TBL1X: variants seen among roughly 807,000 people sequenced by gnomAD.
TBL1X encodes the protein F-box-like/WD repeat-containing protein TBL1X.
In TBL1X, 10 loss-of-function variants were observed where a neutral mutation model predicts 50.7. The observed-to-expected ratio is 0.20, with a 90% CI of 0.12 to 0.33. TBL1X has a LOEUF of 0.33. Ranked by LOEUF, TBL1X falls within the 10% of genes least tolerant of loss-of-function variation. The probability of loss-of-function intolerance (pLI) is 1.00; values close to 1 mark genes in which losing one functional copy is unlikely to be tolerated. For synonymous variants in TBL1X, 190 were observed against 214.7 expected (o/e 0.88, Z 1.01); for missense variants, 340 against 504.4 (o/e 0.67, Z 3.12).
chrX:9,702,768 A>G (rs904557769), intron 12 of TBL1X, among the ~76,000 whole-genome samples: 1 of 112,010 alleles, frequency 8.9e-6, no homozygotes, highest in Non-Finnish European at 1.9e-5. Flanking sequence ...GGAGAACATA[A>G]CTTGGCAAAT....
chrX:9,693,244 G>A lies in TBL1X; in HGVS notation c.955+32G>A, dbSNP rs766191940. 48 of 1,208,606 alleles carry A rather than the reference G, an allele frequency of 4.0e-5. No homozygotes were observed. In the South Asian group the frequency reaches 7.9e-4, roughly 20 times the overall value. ...TCTGTGTCCCTCGTGCTGGGGTCGG[G>A]TAAGAGGAGCTGCCGAACTTAACCC... On this transcript the variant is annotated intron_variant, in intron 10 of 17. Coordinates refer to ENST00000645353, the MANE Select transcript of TBL1X (RefSeq NM_005647.4).
chrX:9,692,874 G>A lies in TBL1X; in HGVS notation c.892-275G>A, dbSNP rs931926139. Among the ~76,000 whole-genome samples the A allele has an allele frequency of 2.2e-4, 25 of 112,623 alleles. No homozygotes were observed. In the Admixed American group the frequency reaches 2.3e-3, roughly 10 times the overall value. ...CAAGGTAGTTCTTCTGGAGAGATAC[G>A]TCGTGCAGCCCAGGAAAGGTGATTC... On this transcript the variant is annotated intron_variant, in intron 9 of 17. Coordinates refer to ENST00000645353, the MANE Select transcript of TBL1X (RefSeq NM_005647.4).
chrX:9,686,692 C>T (rs757987347), intron 6 of TBL1X, among the ~76,000 whole-genome samples: 1 of 112,559 alleles, frequency 8.9e-6, no homozygotes, highest in African/African-American at 3.2e-5. Context: ...AGCGAGACCC[C>T]GTCTCTAAGG....
intron 2 of TBL1X, among the ~76,000 whole-genome samples, chrX:9,619,641 G>T (rs1437063954): frequency 8.9e-6 from 1 of 112,488 alleles, no homozygotes; most frequent in African/African-American, 3.2e-5. Flanking sequence ...TACTTCATCC[G>T]TCTGTGTAAT....
intron 1 of TBL1X, among the ~76,000 whole-genome samples, chrX:9,470,088 C>T (rs910242994): frequency 1.4e-4 from 16 of 112,297 alleles, no homozygotes; most frequent in African/African-American, 4.9e-4. Context: ...TAAAGCTTTG[C>T]TCCTTTTTAA....
chrX:9,681,285 T>C (rs1302306648), intron 5 of TBL1X, among the ~76,000 whole-genome samples: 1 of 111,676 alleles, frequency 9.0e-6, no homozygotes, highest in Non-Finnish European at 1.9e-5. Context: ...AATTCAAGAA[T>C]TTTGGTTCCT....
chrX:9,659,929 G>T (rs901217201), intron 5 of TBL1X, among the ~76,000 whole-genome samples: 2 of 112,407 alleles, frequency 1.8e-5, no homozygotes, highest in African/African-American at 3.2e-5. Context: ...AGTTTCCATG[G>T]GCCGACATGA....
rs757573612 is a variant in TBL1X, at chrX:9,599,746, AAACG to A, written c.-130-40523_-130-40520del. On this transcript the variant is annotated intron_variant, in intron 2 of 17. Coordinates refer to ENST00000645353, the MANE Select transcript of TBL1X (RefSeq NM_005647.4). ...TAGGTTTCCCCAAAGCTAAAGCTAA[AAACG>A]AACAAACAAAAAAAGATTATTCATG... Among the ~76,000 whole-genome samples, 620 of 113,013 alleles carry A rather than the reference AAACG, an allele frequency of 5.5e-3. 4 individuals carry two copies. In the South Asian group the frequency reaches 0.057, roughly 10 times the overall value.
At chrX:9,709,825 A>T in intron 15 of TBL1X, 65 bp downstream of exon 15, 1 of 1,169,345 alleles carries the variant, frequency 8.6e-7, no homozygotes, top group Non-Finnish European at 1.1e-6. Flanking sequence ...AATTCTGCTA[A>T]AGCGCGTCCA....
chrX:9,626,521 C>T (rs2082693847), intron 2 of TBL1X, among the ~76,000 whole-genome samples: 1 of 112,060 alleles, frequency 8.9e-6, no homozygotes, highest in African/African-American at 3.2e-5. Context: ...TACCTGCCCG[C>T]CCCACAGGGT....
At chrX:9,704,368 G>T (rs754360833) in intron 12 of TBL1X, among the ~76,000 whole-genome samples, 174 of 111,768 alleles carry the variant, frequency 1.6e-3, no homozygotes, top group African/African-American at 5.5e-3. Context: ...CAGAGATGCC[G>T]CTGGAAGCAG....
At chrX:9,591,339 C>T (rs1401246684) in intron 2 of TBL1X, among the ~76,000 whole-genome samples, 1 of 112,070 alleles carries the variant, frequency 8.9e-6, no homozygotes, top group African/African-American at 3.2e-5. Context: ...TGAGAGCGTT[C>T]ACTTGCACAG....
intron 17 of TBL1X, 46 bp from the exon 18 acceptor site, chrX:9,716,174 T>C (rs942136927): frequency 4.1e-5 from 49 of 1,202,382 alleles, no homozygotes; most frequent in Non-Finnish European, 5.5e-5. Flanking sequence ...TAAAGGCATC[T>C]TTGTATTGTC....
At chrX:9,651,025 T>C (rs2082831456) in intron 3 of TBL1X, among the ~76,000 whole-genome samples, 1 of 76,538 alleles carries the variant, frequency 1.3e-5, no homozygotes, top group African/African-American at 4.9e-5. Flanking sequence ...TTTTTTTTTT[T>C]TTTTTTTTTT....
chrX:9,484,887 G>A (rs2081902626), intron 1 of TBL1X, among the ~76,000 whole-genome samples: 1 of 93,282 alleles, frequency 1.1e-5, no homozygotes, highest in Non-Finnish European at 2.1e-5. Flanking sequence ...TTCGAGACCA[G>A]CCTGGGCAAT....
At chrX:9,531,355 GT>G (rs1276357511) in intron 2 of TBL1X, among the ~76,000 whole-genome samples, 4,042 of 14,984 alleles carry the variant, frequency 0.27, 83 homozygotes, top group South Asian at 0.34. Flanking sequence ...AACCTGGAGG[GT>G]GTGTGTGTGT....
At chrX:9,716,192 A>T in intron 17 of TBL1X, 28 bp from the exon 18 acceptor site, 1 of 1,209,342 alleles carries the variant, frequency 8.3e-7, no homozygotes, top group South Asian at 1.8e-5. Flanking sequence ...GTCTCTCAAG[A>T]TGACAGGTGC....
At chrX:9,661,102 C>T (rs2082895906) in intron 5 of TBL1X, among the ~76,000 whole-genome samples, 1 of 112,472 alleles carries the variant, frequency 8.9e-6, no homozygotes, top group African/African-American at 3.2e-5. Flanking sequence ...TTATAAGCCA[C>T]CTACTCTATG....
At chrX:9,635,580 G>T (rs1415357515) in intron 2 of TBL1X, among the ~76,000 whole-genome samples, 1 of 112,150 alleles carries the variant, frequency 8.9e-6, no homozygotes, top group African/African-American at 3.2e-5. Flanking sequence ...GCATGAGCTT[G>T]TCAGACAGAC....
Sources: allele counts gnomAD v4.1 joint callset (sites outside exome capture counted in the v4.1 genomes callset), GRCh38; gene constraint gnomAD v4.1.1; transcripts MANE v1.5; gene names NCBI Gene and HGNC (gene_info 2026-07-23, HGNC 2026-07-21).